The following TOM1L2 variants were observed in gnomAD, a reference collection of about 807,000 sequenced individuals.
TOM1L2 encodes the protein TOM1-like protein 2.
TOM1L2 carries 31 observed loss-of-function variants against 67.9 expected under a neutral mutation model. That is an observed-to-expected ratio of 0.46 (90% CI 0.34 to 0.62). TOM1L2 has a LOEUF of 0.62. TOM1L2 is among the 20% of genes least tolerant of loss of function. The probability of loss-of-function intolerance (pLI) is 0.01; values close to 1 mark genes in which losing one functional copy is unlikely to be tolerated. For missense variants in TOM1L2, 606 were observed against 663.5 expected, an observed-to-expected ratio of 0.91 and a Z score of 0.95; for synonymous variants, 256 against 254.0, an observed-to-expected ratio of 1.01 and a Z score of -0.07.
At chr17:17,910,214 C>T (rs921418219) in intron 1 of TOM1L2, among the ~76,000 whole-genome samples, 19 of 152,106 alleles carry the variant, frequency 1.2e-4, no homozygotes, top group Non-Finnish European at 2.2e-4. Context: ...CCGGGGCCCG[C>T]AGAAGAAAAG....
At chr17:17,962,254 A>G (rs2041711755) in intron 1 of TOM1L2, among the ~76,000 whole-genome samples, 1 of 152,024 alleles carries the variant, frequency 6.6e-6, no homozygotes, top group African/African-American at 2.4e-5. Context: ...GGAGGAGGGA[A>G]CAGGGAGATA....
At chr17:17,863,363 A>T (rs2036665453) in intron 10 of TOM1L2, 1 of 155,568 alleles carries the variant, frequency 6.4e-6, no homozygotes, top group African/African-American at 2.4e-5. Flanking sequence ...ATCAGGAAAG[A>T]CTCAAAACCA....
At chr17:17,863,178 C>T in intron 10 of TOM1L2, 1 of 267,204 alleles carries the variant, frequency 3.7e-6, no homozygotes, top group Non-Finnish European at 7.2e-6. Context: ...TCCTCATTAA[C>T]TCAATCACAA....
At chr17:17,955,880 G>C (rs1192689114) in intron 1 of TOM1L2, among the ~76,000 whole-genome samples, 1 of 152,192 alleles carries the variant, frequency 6.6e-6, no homozygotes, top group African/African-American at 2.4e-5. Flanking sequence ...TGAAGCTGCA[G>C]ACCTTCGCGG....
At chr17:17,887,580 A>T (rs4925124) in intron 4 of TOM1L2, among the ~76,000 whole-genome samples, 8,651 of 152,230 alleles carry the variant, frequency 0.057, 695 homozygotes, top group African/African-American at 0.18. Context: ...GGCTCAAGCA[A>T]TCCTCCCACT....
chr17:17,848,192 T>C (rs57006959), intron 14 of TOM1L2, among the ~76,000 whole-genome samples: 10,115 of 151,972 alleles, frequency 0.067, 1,004 homozygotes, highest in African/African-American at 0.22. Flanking sequence ...AGGAATGCAG[T>C]GGGGAGGGGG....
In TOM1L2 at chr17:17,904,567, C is replaced by A. The variant is rs57770081; in HGVS notation, c.137+2880G>T. On this transcript the variant is annotated intron_variant, in intron 2 of 14. Transcript: ENST00000379504. ...TTGGGGTTTTTAACCTAAGTGCCTG[C>A]GAAACCCCTGAAGGCTTGTTAGCAA... 2.6e-5 allele frequency among the ~76,000 whole-genome samples: 4 copies of A among 152,044 alleles called. No individual in the cohort carries two copies. In the East Asian group the frequency reaches 7.7e-4, roughly 29 times the overall value.
intron 1 of TOM1L2, among the ~76,000 whole-genome samples, chr17:17,947,691 C>T (rs1038243204): frequency 6.6e-6 from 1 of 152,056 alleles, no homozygotes; most frequent in African/African-American, 2.4e-5. Flanking sequence ...TTTAATGCCC[C>T]GACACATACT....
At chr17:17,927,125 G>A (rs577262928) in intron 1 of TOM1L2, among the ~76,000 whole-genome samples, 22 of 152,234 alleles carry the variant, frequency 1.4e-4, no homozygotes, top group African/African-American at 5.1e-4. Context: ...CTAGCTTTTC[G>A]GATTTTTACT....
chr17:17,891,037 G>C (rs1409512701), intron 4 of TOM1L2, among the ~76,000 whole-genome samples: 1 of 152,140 alleles, frequency 6.6e-6, no homozygotes, highest in Non-Finnish European at 1.5e-5. Context: ...TCTCCAGCTG[G>C]GTTATCAACC....
chr17:17,957,613 C>T (rs1597464776), intron 1 of TOM1L2, among the ~76,000 whole-genome samples: 1 of 151,122 alleles, frequency 6.6e-6, no homozygotes, highest in Non-Finnish European at 1.5e-5. Flanking sequence ...AATATATATA[C>T]ATTTACACAA....
intron 7 of TOM1L2, among the ~76,000 whole-genome samples, chr17:17,877,655 T>C (rs930066292): frequency 6.6e-6 from 1 of 152,156 alleles, no homozygotes; most frequent in Non-Finnish European, 1.5e-5. Flanking sequence ...TCCACAGTGC[T>C]GCCCAGCTCC....
In TOM1L2 at chr17:17,845,804, G is replaced by A. The variant is rs1041923760; in HGVS notation, c.*1831C>T. On this transcript the variant is annotated 3_prime_UTR_variant, in exon 15 of 15. Coordinates refer to ENST00000379504, the MANE Select transcript of TOM1L2 (RefSeq NM_001082968.2). ...GGGTCTGTCTTTGAGAAACATTGAG[G>A]AGGCAGGGGCTCATCAAGCATCAGG... The A allele has an allele frequency of 2.0e-5, 3 of 152,376 alleles. No individual in the cohort carries two copies. The highest frequency in any genetic ancestry group is 7.2e-5 in the African/African-American group (3 of 41,462). 9.4% of individuals were successfully genotyped at this position (152,376 alleles called of 1,614,324 possible). A position where few individuals can be genotyped will look rare whatever the true frequency, so the allele number is the denominator to read the frequency against.
intron 4 of TOM1L2, among the ~76,000 whole-genome samples, chr17:17,890,167 G>C (rs144478072): frequency 1.2e-4 from 18 of 152,270 alleles, no homozygotes; most frequent in Non-Finnish European, 1.5e-5. Context: ...GCTAAAAAAA[G>C]GTTGACCCAA....
Position 17,846,591 on chromosome 17 carries a change from G to T in TOM1L2, c.*1044C>A, listed in dbSNP as rs965087713. Reference sequence around the variant, plus strand: ...GGAGAGTCTGTGCAAGGAGGCCAAGGCCTATGCCAGGGAGCAGAGCAGGGG... The same window carrying T: ...GGAGAGTCTGTGCAAGGAGGCCAAGTCCTATGCCAGGGAGCAGAGCAGGGG... On this transcript the variant is annotated 3_prime_UTR_variant, in exon 15 of 15. Transcript: ENST00000379504. 1.3e-5 allele frequency: 2 copies of T among 152,494 alleles called. No individual in the cohort carries two copies. The highest frequency in any genetic ancestry group is 4.8e-5 in the African/African-American group (2 of 41,482). The allele number at this position is 152,494 out of a possible 1,614,324, so 9.4% of individuals were successfully genotyped here.
At chr17:17,875,020 G>A (rs1234956796) in intron 7 of TOM1L2, among the ~76,000 whole-genome samples, 1 of 152,150 alleles carries the variant, frequency 6.6e-6, no homozygotes. Flanking sequence ...ACTTTGAGAG[G>A]CCGAGGTTGG....
chr17:17,970,495 T>C (rs2042027132), intron 1 of TOM1L2, among the ~76,000 whole-genome samples: 1 of 152,202 alleles, frequency 6.6e-6, no homozygotes, highest in Non-Finnish European at 1.5e-5. Flanking sequence ...GCTCCCTCCA[T>C]TAACTGGCTG....
intron 7 of TOM1L2, among the ~76,000 whole-genome samples, chr17:17,874,152 T>C (rs1282252323): frequency 2.6e-5 from 4 of 151,844 alleles, no homozygotes; most frequent in Non-Finnish European, 4.4e-5. Context: ...GACGGGGTTT[T>C]ACCATGTTAG....
intron 9 of TOM1L2, 91 bp from the exon 10 acceptor site, chr17:17,866,510 G>A (rs1374441644): frequency 7.6e-6 from 11 of 1,446,476 alleles, no homozygotes; most frequent in Non-Finnish European, 1.0e-5. Context: ...AGGGTTCCAA[G>A]AAGAAAAGTA....
Sources: gnomAD v4.1 joint callset for allele counts (sites outside exome capture counted in the v4.1 genomes callset) on GRCh38, gnomAD v4.1.1 for gene constraint, MANE v1.5 for transcripts, NCBI Gene and HGNC (gene_info 2026-07-23, HGNC 2026-07-21) for gene names.